The following CHSY1 variants were observed in gnomAD, a reference collection of about 807,000 sequenced individuals.
The protein encoded by CHSY1 is N-acetylgalactosaminyl-proteoglycan 3-beta-glucuronosyltransferase 1.
Under a neutral mutation model 59.8 loss-of-function variants are expected in CHSY1, and 13 were observed. The observed-to-expected ratio is 0.22, with a 90% CI of 0.14 to 0.35. The LOEUF (loss-of-function observed/expected upper bound fraction) is 0.35. Ranked by LOEUF, CHSY1 falls within the 10% of genes least tolerant of loss-of-function variation. The pLI is 1.00. For synonymous variants in CHSY1, 459 were observed against 401.2 expected (o/e 1.14, Z -1.72); for missense variants, 947 against 1,030.6 (o/e 0.92, Z 1.11).
intron 2 of CHSY1, among the ~76,000 whole-genome samples, chr15:101,222,908 G>A (rs769327553): frequency 2.0e-5 from 3 of 152,310 alleles, no homozygotes; most frequent in Admixed American, 1.3e-4. Context: ...CAGTCAAGAG[G>A]AGGGAAATTA....
At chr15:101,188,434 C>G (rs1237030604) in intron 2 of CHSY1, among the ~76,000 whole-genome samples, 1 of 152,154 alleles carries the variant, frequency 6.6e-6, no homozygotes, top group Non-Finnish European at 1.5e-5. Flanking sequence ...CGGTGGCGGT[C>G]CAGACTCTCA....
At chr15:101,214,999 T>G (rs1020020020) in intron 2 of CHSY1, among the ~76,000 whole-genome samples, 3 of 152,202 alleles carry the variant, frequency 2.0e-5, no homozygotes, top group East Asian at 3.9e-4. Flanking sequence ...GTGCGGCACC[T>G]CCTCCCTTCG....
Position 101,178,832 on chromosome 15 carries a change from C to A in CHSY1, c.965G>T (p.Arg322Leu), listed in dbSNP as rs140855609. The A allele has an allele frequency of 4.3e-6, 7 of 1,614,040 alleles. No individual in the cohort carries two copies. In the African/African-American group the frequency reaches 9.3e-5, roughly 22 times the overall value. Residue 322 changes from arginine to leucine, a missense_variant, in exon 3 of 3, where the codon CGC becomes CTC. Around this residue, in one of 4 missense-constraint regions of CHSY1, gnomAD observed 602 missense variants for 676.9 expected, o/e 0.89. Coordinates refer to ENST00000254190, the MANE Select transcript of CHSY1 (RefSeq NM_014918.5). Reference sequence around the variant, plus strand: ...GCGATGGCGGAGCTCGGATATCTTGCGGCTCAGCATGTAGCTGTGGAGCCT... The same window carrying A: ...GCGATGGCGGAGCTCGGATATCTTGAGGCTCAGCATGTAGCTGTGGAGCCT... ...QYRLHSYMLSRKISELRHRTI... is the reference protein window; with the variant it reads ...QYRLHSYMLSLKISELRHRTI...
At chr15:101,247,742 A>G (rs1255200209) in intron 1 of CHSY1, among the ~76,000 whole-genome samples, 1 of 152,096 alleles carries the variant, frequency 6.6e-6, no homozygotes, top group Non-Finnish European at 1.5e-5. Context: ...CTGCCCTGCT[A>G]TATCTTGGTG....
intron 1 of CHSY1, among the ~76,000 whole-genome samples, chr15:101,248,873 GC>G: frequency 6.6e-6 from 1 of 151,912 alleles, no homozygotes; most frequent in Non-Finnish European, 1.5e-5. Flanking sequence ...AGCAACCTCT[GC>G]CTCCTGGGTT....
At chr15:101,182,851 A>T (rs2038299021) in intron 2 of CHSY1, among the ~76,000 whole-genome samples, 1 of 152,248 alleles carries the variant, frequency 6.6e-6, no homozygotes, top group South Asian at 2.1e-4. Flanking sequence ...ATGAGAATCA[A>T]CAGTCAAGGA....
In CHSY1 at chr15:101,176,060, A is replaced by G. The variant is rs967884674; in HGVS notation, c.*1328T>C. The G allele has an allele frequency of 3.3e-5, 13 of 389,808 alleles. No individual in the cohort carries two copies. Among genetic ancestry groups the G allele is most frequent in the Non-Finnish European group, 5.4e-5 (12 of 221,096 alleles). The allele number at this position is 389,808 out of a possible 1,614,324, so 24.1% of individuals were successfully genotyped here. Reference sequence around the variant, plus strand: ...GTCAAAGAACACTTAATATTTAGTAAAACAGTAAGGAATATAAAAATTAAG... The same window carrying G: ...GTCAAAGAACACTTAATATTTAGTAGAACAGTAAGGAATATAAAAATTAAG... On this transcript the variant is annotated 3_prime_UTR_variant, in exon 3 of 3. Transcript: ENST00000254190.
chr15:101,251,415 G>T lies in CHSY1; in HGVS notation c.42C>A (p.Leu14=). Residue 14 remains leucine, a synonymous_variant, in exon 1 of 3, where the codon CTC becomes CTA. Coordinates refer to ENST00000254190, the MANE Select transcript of CHSY1 (RefSeq NM_014918.5). The part of the protein sequence containing the change: ...RGRRAWLSVL[L]GLVLGFVLAS... ...CCAGCACGAAGCCCAGGACGAGCCC[G>T]AGCAGCACGCTGAGCCAGGCGCGCC... 8.8e-7 allele frequency: 1 copy of T among 1,134,878 alleles called. No individual in the cohort carries two copies. The highest frequency in any genetic ancestry group is 1.8e-5 in the South Asian group (1 of 55,310). The allele number at this position is 1,134,878 out of a possible 1,614,324, so 70.3% of individuals were successfully genotyped here. A position where few individuals can be genotyped will look rare whatever the true frequency, so the allele number is the denominator to read the frequency against.
intron 2 of CHSY1, among the ~76,000 whole-genome samples, chr15:101,191,011 C>T (rs920108267): frequency 6.6e-6 from 1 of 152,150 alleles, no homozygotes; most frequent in African/African-American, 2.4e-5. Context: ...GACAGTTTGG[C>T]AGTTTCCTAC....
intron 2 of CHSY1, among the ~76,000 whole-genome samples, chr15:101,207,083 G>A (rs573490177): frequency 1.3e-5 from 2 of 152,094 alleles, no homozygotes; most frequent in Admixed American, 1.3e-4. Context: ...AACCTAAAAG[G>A]GGAAAAATCC....
intron 2 of CHSY1, among the ~76,000 whole-genome samples, chr15:101,216,869 G>A (rs575925779): frequency 6.6e-6 from 1 of 152,202 alleles, no homozygotes; most frequent in Non-Finnish European, 1.5e-5. Context: ...GAGCTAACCT[G>A]GATGTATATA....
chr15:101,211,760 A>G (rs947727460), intron 2 of CHSY1, among the ~76,000 whole-genome samples: 3 of 152,148 alleles, frequency 2.0e-5, no homozygotes, highest in African/African-American at 7.2e-5. Context: ...AAATACCTTC[A>G]AAGAAAAAAC....
chr15:101,230,694 A>C (rs1414383037), intron 2 of CHSY1, among the ~76,000 whole-genome samples: 1 of 152,200 alleles, frequency 6.6e-6, no homozygotes, highest in Non-Finnish European at 1.5e-5. Flanking sequence ...TGCAAACTCC[A>C]ATTTCCCTTG....
chr15:101,223,952 G>A (rs552339618), intron 2 of CHSY1, among the ~76,000 whole-genome samples: 2 of 152,374 alleles, frequency 1.3e-5, no homozygotes, highest in Admixed American at 6.5e-5. Flanking sequence ...CTGTGGTCCC[G>A]TAAGATTGTA....
chr15:101,238,042 T>C (rs1312184401), intron 1 of CHSY1, among the ~76,000 whole-genome samples: 2 of 152,050 alleles, frequency 1.3e-5, no homozygotes, highest in East Asian at 1.9e-4. Context: ...AGGAGGAAAA[T>C]TGGGAGGAGC....
chr15:101,235,003 G>T (rs2038927094), intron 2 of CHSY1, 79 bp downstream of exon 2: 1 of 1,558,016 alleles, frequency 6.4e-7, no homozygotes, highest in Admixed American at 1.7e-5. Flanking sequence ...ATCATCTCTA[G>T]TTTCCTATGA....
At chr15:101,213,703 T>C (rs2038704089) in intron 2 of CHSY1, among the ~76,000 whole-genome samples, 2 of 152,142 alleles carry the variant, frequency 1.3e-5, no homozygotes, top group Admixed American at 1.3e-4. Context: ...TCCAAAACAC[T>C]ACAGCAGCAC....
At chr15:101,237,289 T>C (rs112859728) in intron 1 of CHSY1, among the ~76,000 whole-genome samples, 11 of 145,322 alleles carry the variant, frequency 7.6e-5, no homozygotes, top group African/African-American at 2.8e-4. Flanking sequence ...ACACTAGAGA[T>C]GCAGGCCTCT....
intron 2 of CHSY1, among the ~76,000 whole-genome samples, chr15:101,214,912 A>C (rs1284367730): frequency 6.6e-6 from 1 of 152,110 alleles, no homozygotes; most frequent in Non-Finnish European, 1.5e-5. Context: ...TGGATTTCTC[A>C]TGCATAAGGT....
Sources: gnomAD v4.1 joint callset for allele counts (sites outside exome capture counted in the v4.1 genomes callset) on GRCh38, gnomAD v4.1.1 for gene constraint, gnomAD v4.1.1 regional missense constraint, MANE v1.5 for transcripts, NCBI Gene and HGNC (gene_info 2026-07-23, HGNC 2026-07-21) for gene names.